Variants in KCNJ10 observed in about 807,000 individuals in gnomAD.
KCNJ10 encodes the protein potassium inwardly rectifying channel subfamily J member 10.
A neutral mutation model predicts 22.2 loss-of-function variants in KCNJ10; 9 were observed. The observed-to-expected ratio is 0.40, with a 90% CI of 0.24 to 0.71. The LOEUF is 0.71. Ranked by LOEUF, KCNJ10 falls within the 30% of genes least tolerant of loss-of-function variation. The pLI, the probability that KCNJ10 is intolerant of heterozygous loss-of-function variation, is 0.35. For missense variants in KCNJ10, 337 were observed against 482.7 expected (o/e 0.70, Z 2.83); for synonymous variants, 184 against 187.3 (o/e 0.98, Z 0.15).
In KCNJ10 at chr1:160,041,453, T is replaced by TGGA; in HGVS notation, c.1079_1080insTCC (p.Ser360_Leu361insPro). On this transcript the variant is annotated inframe_insertion, in exon 2 of 2. Coordinates refer to ENST00000644903, the MANE Select transcript of KCNJ10 (RefSeq NM_002241.5). The surrounding 1 kb of genome is among the most constrained non-coding windows in gnomAD (Gnocchi z 4.4). Reference sequence around the variant, plus strand: ...CCTCCTTCTCAGCTTGCTCCCTTAATGACTCCTCCAACTTGAGCTTTTCAG... The same window carrying TGGA: ...CCTCCTTCTCAGCTTGCTCCCTTAATGGAGACTCCTCCAACTTGAGCTTTTCAG... The TGGA allele has an allele frequency of 6.2e-7, 1 of 1,614,166 alleles. No homozygotes were observed. Among genetic ancestry groups the TGGA allele is most frequent in the Non-Finnish European group, 8.5e-7 (1 of 1,180,016 alleles).
intron 1 of KCNJ10, among the ~76,000 whole-genome samples, chr1:160,048,702 G>A (rs1648808921): frequency 6.6e-6 from 1 of 152,116 alleles, no homozygotes; most frequent in Non-Finnish European, 1.5e-5. Flanking sequence ...TAGTTAAAGG[G>A]ACCATCATCC....
At chr1:160,042,655 C>G in intron 1 of KCNJ10, 123 bp from the exon 2 acceptor site, 3 of 951,202 alleles carry the variant, frequency 3.2e-6, no homozygotes, top group Non-Finnish European at 4.9e-6. Context: ...CTTGTCTTAC[C>G]AAATATTTAT....
chr1:160,051,793 G>A (rs1326296737), intron 1 of KCNJ10, among the ~76,000 whole-genome samples: 2 of 151,814 alleles, frequency 1.3e-5, no homozygotes, highest in South Asian at 4.2e-4. Context: ...TCCTCCCAAC[G>A]GTCTTCTCAT....
In KCNJ10 at chr1:160,041,402, G is replaced by A; in HGVS notation, c.1131C>T (p.Ser377=). 1 of 1,612,334 alleles carries A rather than the reference G, an allele frequency of 6.2e-7. No homozygotes were observed. ...GAGTGGGAACAGGTCATCAGACATTGCTGATGCGCACACTAAGGGCACTGC... is the reference window on the plus strand; with the variant it reads ...GAGTGGGAACAGGTCATCAGACATTACTGATGCGCACACTAAGGGCACTGC... ...KEGSALSVRI[S]NV The change falls in exon 2 of 2, where the codon AGC becomes AGT. Residue 377 remains serine, a synonymous_variant. Transcript: ENST00000644903. This position sits in a 1 kb window ranked among gnomAD's most constrained non-coding sequence, Gnocchi z 4.4.
rs1170775164 is a variant in KCNJ10 at position 160,042,474 on chromosome 1, A to C, written c.59T>G (p.Leu20Arg). ...CCGCCGTCGTATCCCTGGGCCCATT[A>C]GGGGCCGGCTTTCTGTCTGAGTGGT... ...SQTTQTESRPLMGPGIRRRRV... is the reference protein window; with the variant it reads ...SQTTQTESRPRMGPGIRRRRV... Residue 20 changes from leucine (L) to arginine (R), a missense_variant, in exon 2 of 2, where the codon CTA (leucine) becomes CGA (arginine). Leu to Arg is a moderately radical substitution (Grantham distance 102, BLOSUM62 -2). Around this residue, in one of 3 missense-constraint regions of KCNJ10, gnomAD observed 107 missense variants for 135.2 expected, o/e 0.79. Coordinates refer to ENST00000644903, the MANE Select transcript of KCNJ10 (RefSeq NM_002241.5). The C allele has an allele frequency of 3.1e-6, 5 of 1,613,910 alleles. No homozygotes were observed. Among genetic ancestry groups the C allele is most frequent in the Non-Finnish European group, 8.5e-7 (1 of 1,180,014 alleles).
chr1:160,061,828 T>C (rs1649202935), intron 1 of KCNJ10, among the ~76,000 whole-genome samples: 2 of 151,674 alleles, frequency 1.3e-5, no homozygotes, highest in South Asian at 4.2e-4. Context: ...GTGCGATCTG[T>C]GTGCTGGGGT....
rs1553235032 is a variant in KCNJ10 at position 160,042,068 on chromosome 1, G to A, written c.465C>T (p.Thr155=). ...TACCTGTGATGAAGATTTCCAGGAT[G>A]GTGGTGAGCACCAGCTGGGCAATAA... ...VLLIAQLVLT[T]ILEIFITGTF... The change falls in exon 2 of 2, where the codon ACC becomes ACT. Residue 155 remains threonine, a synonymous_variant. Coordinates refer to ENST00000644903, the MANE Select transcript of KCNJ10 (RefSeq NM_002241.5). 27 of 1,552,532 alleles carry A rather than the reference G, an allele frequency of 1.7e-5. 1 individual carries two copies. Among genetic ancestry groups the A allele is most frequent in the Non-Finnish European group, 2.3e-5 (27 of 1,149,192 alleles).
chr1:160,049,675 T>TTATTTTTATATA (rs1283511580), intron 1 of KCNJ10, among the ~76,000 whole-genome samples: 3 of 47,112 alleles, frequency 6.4e-5, no homozygotes, highest in Non-Finnish European at 1.2e-4. Context: ...TTTTATTTAT[T>TTATTTTTATATA]TATATATATA....
At chr1:160,057,536 T>C (rs941893891) in intron 1 of KCNJ10, among the ~76,000 whole-genome samples, 1 of 152,230 alleles carries the variant, frequency 6.6e-6, no homozygotes, top group Non-Finnish European at 1.5e-5. Context: ...TGCTGAAGAC[T>C]GCTGAGTAGA....
intron 1 of KCNJ10, among the ~76,000 whole-genome samples, chr1:160,050,855 C>T (rs1648885207): frequency 6.6e-6 from 1 of 152,068 alleles, no homozygotes; most frequent in Non-Finnish European, 1.5e-5. Flanking sequence ...AGCTGCAGGG[C>T]CAGGGTCAGG....
In KCNJ10 at chr1:160,049,149, C is replaced by G. The variant is rs530981987; in HGVS notation, c.1-6617G>C. The stretch of plus-strand genomic sequence containing the variant: ...AGATTCATGCCCAGGTCCCGTCTCC[C>G]AAATCCATCCACTTTTCATTTTACT... On this transcript the variant is annotated intron_variant, in intron 1 of 1. Transcript: ENST00000644903. Among the ~76,000 whole-genome samples, 12 of 152,266 alleles carry G rather than the reference C, an allele frequency of 7.9e-5. No individual in the cohort carries two copies. In the South Asian group the frequency reaches 2.5e-3, roughly 32 times the overall value.
chr1:160,042,295 A>C lies in KCNJ10; in HGVS notation c.238T>G (p.Phe80Val), dbSNP rs377638115. 9 of 1,613,796 alleles carry C rather than the reference A, an allele frequency of 5.6e-6. No homozygotes were observed. Among genetic ancestry groups the C allele is most frequent in the African/African-American group, 5.3e-5 (4 of 74,930 alleles). Residue 80 changes from phenylalanine (F) to valine (V), a missense_variant, in exon 2 of 2, where the codon TTC (phenylalanine) becomes GTC (valine). Phe to Val is a conservative substitution (Grantham distance 50, BLOSUM62 -1). Coordinates refer to ENST00000644903, the MANE Select transcript of KCNJ10 (RefSeq NM_002241.5). The part of the protein sequence containing the change: ...LFSATFAGTW[F>V]LFGVVWYLVA... ...AGATACCACACCACGCCAAAGAGGA[A>C]CCATGTGCCTGCAAAGGTCGCAGAG...
intron 1 of KCNJ10, among the ~76,000 whole-genome samples, chr1:160,046,942 C>T (rs1460289523): frequency 6.6e-6 from 1 of 152,158 alleles, no homozygotes; most frequent in Admixed American, 6.6e-5. Context: ...GCCTGAGTGG[C>T]GAAAGAGACA....
At position 160,046,488 on chromosome 1, in the gene KCNJ10, G is replaced by A. The variant is rs182275437; in HGVS notation, c.1-3956C>T. ...CTCTCAGCAGGTGCCACTATGGTAC[G>A]CTGTATGTAAGACCACACATCCCAG... On this transcript the variant is annotated intron_variant, in intron 1 of 1. Transcript: ENST00000644903. 4.6e-5 allele frequency among the ~76,000 whole-genome samples: 7 copies of A among 152,258 alleles called. No individual in the cohort carries two copies. In the East Asian group the frequency reaches 5.8e-4, roughly 13 times the overall value.
chr1:160,057,598 C>G (rs944336490), intron 1 of KCNJ10, among the ~76,000 whole-genome samples: 3 of 152,222 alleles, frequency 2.0e-5, no homozygotes, highest in East Asian at 1.9e-4. Flanking sequence ...TGTCTGCCCC[C>G]AGCCTCAGGA....
Position 160,041,410 on chromosome 1 carries a change from G to A in KCNJ10, c.1123C>T (p.Arg375Cys), listed in dbSNP as rs751338154. ...AEKEGSALSV[R>C]ISNV ...ACAGGTCATCAGACATTGCTGATGC[G>A]CACACTAAGGGCACTGCCCTCCTTC... The change falls in exon 2 of 2, where the codon CGC becomes TGC. Residue 375 changes from arginine (R) to cysteine (C), a missense_variant. Arg to Cys is a radical substitution (Grantham distance 180). Around this residue, in one of 3 missense-constraint regions of KCNJ10, gnomAD observed 65 missense variants for 66.0 expected, o/e 0.98. Coordinates refer to ENST00000644903, the MANE Select transcript of KCNJ10 (RefSeq NM_002241.5). This position sits in a 1 kb window ranked among gnomAD's most constrained non-coding sequence, Gnocchi z 4.4. 135 of 1,612,872 alleles carry A rather than the reference G, an allele frequency of 8.4e-5. No homozygotes were observed. Among genetic ancestry groups the A allele is most frequent in the Non-Finnish European group, 1.0e-4 (122 of 1,179,770 alleles).
intron 1 of KCNJ10, among the ~76,000 whole-genome samples, chr1:160,050,617 G>A (rs1353753885): frequency 6.6e-6 from 1 of 152,178 alleles, no homozygotes; most frequent in East Asian, 1.9e-4. Flanking sequence ...AGTACAAGAA[G>A]AGCTTGTGAA....
At chr1:160,043,004 C>T (rs975025839) in intron 1 of KCNJ10, among the ~76,000 whole-genome samples, 5 of 151,552 alleles carry the variant, frequency 3.3e-5, no homozygotes, top group African/African-American at 9.7e-5. Flanking sequence ...CAAGAACTCA[C>T]AGCCTAGTGA....
chr1:160,052,423 C>G (rs1271060076), intron 1 of KCNJ10, among the ~76,000 whole-genome samples: 2 of 152,206 alleles, frequency 1.3e-5, no homozygotes, highest in Non-Finnish European at 2.9e-5. Context: ...CCTTGCAGTA[C>G]TTTTCTTCCT....
Sources: allele counts gnomAD v4.1 joint callset (sites outside exome capture counted in the v4.1 genomes callset), GRCh38; gene constraint gnomAD v4.1.1; regional missense constraint gnomAD v4.1.1; non-coding constraint Gnocchi (gnomAD v3.1); transcripts MANE v1.5; gene names NCBI Gene and HGNC (gene_info 2026-07-23, HGNC 2026-07-21).